SLC25A13: variants seen among roughly 807,000 people sequenced by gnomAD.
SLC25A13 encodes solute carrier family 25 member 13.
A neutral mutation model predicts 85.5 loss-of-function variants in SLC25A13; 70 were observed. The ratio of observed to expected loss-of-function variants is 0.82; its 90% CI spans 0.68 to 1.00. The LOEUF (loss-of-function observed/expected upper bound fraction) is 1.00. SLC25A13 is among the 50% of genes least tolerant of loss of function. The pLI is 0.00. For synonymous variants in SLC25A13, 259 were observed against 288.7 expected (o/e 0.90, Z 1.04); for missense variants, 765 against 819.8 (o/e 0.93, Z 0.82).
At chr7:96,227,864 A>AT (rs953424403) in intron 4 of SLC25A13, among the ~76,000 whole-genome samples, 45 of 150,672 alleles carry the variant, frequency 3.0e-4, no homozygotes, top group African/African-American at 8.0e-4. Context: ...AAAACAAAGA[A>AT]TTTTTTTTTT....
At chr7:96,291,251 A>G (rs1326299733) in intron 2 of SLC25A13, among the ~76,000 whole-genome samples, 2 of 152,216 alleles carry the variant, frequency 1.3e-5, no homozygotes, top group African/African-American at 2.4e-5. Flanking sequence ...GACACAACAT[A>G]CCAGAATCTC....
chr7:96,321,567 C>G (rs977596403), intron 1 of SLC25A13, among the ~76,000 whole-genome samples: 1 of 152,182 alleles, frequency 6.6e-6, no homozygotes, highest in African/African-American at 2.4e-5. Context: ...GGGTCAGGAG[C>G]AGGAGCGCGC....
intron 3 of SLC25A13, among the ~76,000 whole-genome samples, chr7:96,276,427 G>C (rs1008871574): frequency 1.3e-5 from 2 of 152,136 alleles, no homozygotes; most frequent in African/African-American, 4.8e-5. Flanking sequence ...TTTGAGACCA[G>C]CCTGGGCAAT....
intron 13 of SLC25A13, among the ~76,000 whole-genome samples, chr7:96,166,461 C>T (rs957025539): frequency 2.0e-5 from 3 of 152,010 alleles, no homozygotes; most frequent in Admixed American, 2.0e-4. Flanking sequence ...AATTAATCAT[C>T]ATATTTATAT....
chr7:96,247,008 G>A (rs192383423), intron 3 of SLC25A13, among the ~76,000 whole-genome samples: 35 of 152,136 alleles, frequency 2.3e-4, no homozygotes, highest in Non-Finnish European at 4.0e-4. Flanking sequence ...CAACAATGAC[G>A]TATTCATTTA....
At chr7:96,177,781 T>C (rs1020863297) in intron 11 of SLC25A13, among the ~76,000 whole-genome samples, 2 of 152,192 alleles carry the variant, frequency 1.3e-5, no homozygotes, top group African/African-American at 4.8e-5. Flanking sequence ...GCTAAGCAGC[T>C]TGTTTCAAGT....
intron 4 of SLC25A13, among the ~76,000 whole-genome samples, chr7:96,225,597 G>T (rs950241473): frequency 6.6e-6 from 1 of 151,440 alleles, no homozygotes; most frequent in African/African-American, 2.4e-5. Context: ...GGGGTCCCGA[G>T]ATATGACTCC....
intron 4 of SLC25A13, among the ~76,000 whole-genome samples, chr7:96,220,814 T>C (rs1260751154): frequency 6.6e-6 from 1 of 151,932 alleles, no homozygotes; most frequent in Admixed American, 6.6e-5. Flanking sequence ...CAGGTGCACA[T>C]GCACACACAG....
rs530556509 is a variant in SLC25A13 at position 96,150,885 on chromosome 7, A to T, written c.1312-4189T>A. On this transcript the variant is annotated intron_variant, in intron 13 of 17. Coordinates refer to ENST00000265631, the MANE Select transcript of SLC25A13 (RefSeq NM_014251.3). ...GCAACGTACCCAGGGCTATATAGCC[A>T]GCAAGCAGAGGAAAGGATTTTCAAT... Among the ~76,000 whole-genome samples, 7 of 152,168 alleles carry T rather than the reference A, an allele frequency of 4.6e-5. No homozygotes were observed. The East Asian group carries it at 1.4e-3, about 30-fold the overall frequency.
At chr7:96,132,660 T>G (rs1792084113) in intron 14 of SLC25A13, among the ~76,000 whole-genome samples, 1 of 152,224 alleles carries the variant, frequency 6.6e-6, no homozygotes, top group Admixed American at 6.5e-5. Flanking sequence ...ACACATATAT[T>G]GTGTTTTGGG....
intron 3 of SLC25A13, among the ~76,000 whole-genome samples, chr7:96,241,037 GGAAAGAAAGAAAGAAAGAAAGAAAGAAA>G (rs200466951): frequency 5.2e-4 from 42 of 80,672 alleles, no homozygotes; most frequent in Middle Eastern, 6.5e-3. Flanking sequence ...AAGAAAGAAA[GGAAAGAAAGAAAGAAAGAAAGAAAGAAA>G]GAAAGAAAGA....
chr7:96,287,825 C>A (rs1049573930), intron 2 of SLC25A13, among the ~76,000 whole-genome samples: 1 of 152,180 alleles, frequency 6.6e-6, no homozygotes, highest in Non-Finnish European at 1.5e-5. Context: ...GATAGGTCCT[C>A]GGTTCAAAGA....
intron 4 of SLC25A13, among the ~76,000 whole-genome samples, chr7:96,209,395 G>A (rs78291342): frequency 0.016 from 1,538 of 95,590 alleles, 22 homozygotes; most frequent in African/African-American, 0.058. Context: ...CGATACAAGC[G>A]TTACATATAG....
At chr7:96,296,838 T>C (rs1799369508) in intron 2 of SLC25A13, 60 bp downstream of exon 2, 1 of 1,467,124 alleles carries the variant, frequency 6.8e-7, no homozygotes, top group African/African-American at 1.4e-5. Context: ...TTGAAAATAA[T>C]ATTTAAAAGT....
At chr7:96,138,483 C>A (rs561069240) in intron 14 of SLC25A13, among the ~76,000 whole-genome samples, 3 of 150,994 alleles carry the variant, frequency 2.0e-5, no homozygotes, top group Non-Finnish European at 2.9e-5. Flanking sequence ...GCAGCCTTGA[C>A]CCCCTGGGCT....
chr7:96,152,448 C>T (rs544564747), intron 13 of SLC25A13, among the ~76,000 whole-genome samples: 18 of 152,232 alleles, frequency 1.2e-4, no homozygotes, highest in African/African-American at 4.1e-4. Context: ...CATATCTATA[C>T]TGAATAGAGG....
At chr7:96,193,389 T>C (rs146833562) in intron 5 of SLC25A13, among the ~76,000 whole-genome samples, 146 of 152,252 alleles carry the variant, frequency 9.6e-4, no homozygotes, top group African/African-American at 3.4e-3. Flanking sequence ...CTTGAGAAAG[T>C]GCACTCTACC....
intron 14 of SLC25A13, 38 bp downstream of exon 14, chr7:96,146,518 A>G (rs771930914): frequency 6.2e-7 from 1 of 1,604,778 alleles, no homozygotes; most frequent in South Asian, 1.1e-5. Context: ...GAGATGAGAA[A>G]GTAATCAAAT....
chr7:96,164,110 C>G lies in SLC25A13; in HGVS notation c.1311+5935G>C, dbSNP rs537001582. 2.9e-3 allele frequency among the ~76,000 whole-genome samples: 449 copies of G among 152,330 alleles called. 3 individuals are homozygous for G. The highest frequency in any genetic ancestry group is 0.01 in the African/African-American group (436 of 41,570). On this transcript the variant is annotated intron_variant, in intron 13 of 17. Coordinates refer to ENST00000265631, the MANE Select transcript of SLC25A13 (RefSeq NM_014251.3). ...TAGATTATTTTCCCTGGCACTGAAT[C>G]CGGCTGGCCTATAACCTGTTTTAAC...
Sources: allele counts gnomAD v4.1 joint callset (sites outside exome capture counted in the v4.1 genomes callset), GRCh38; gene constraint gnomAD v4.1.1; transcripts MANE v1.5; gene names NCBI Gene and HGNC (gene_info 2026-07-23, HGNC 2026-07-21).